NFATC2: variants seen among roughly 807,000 people sequenced by gnomAD.
NFATC2 encodes the protein nuclear factor of activated T-cells, cytoplasmic 2.
NFATC2 carries 22 observed loss-of-function variants against 87.3 expected under a neutral mutation model. That is an observed-to-expected ratio of 0.25 (90% CI 0.18 to 0.36). The LOEUF is 0.36. Among genes scored for constraint, NFATC2 ranks in the 10% least tolerant of loss-of-function variants. The pLI is 1.00. For missense variants in NFATC2, 1,149 were observed against 1,259.1 expected (o/e 0.91, Z 1.32); for synonymous variants, 565 against 542.2 (o/e 1.04, Z -0.58).
chr20:51,493,582 C>T (rs1375975262), intron 3 of NFATC2, among the ~76,000 whole-genome samples: 14 of 152,192 alleles, frequency 9.2e-5, no homozygotes, highest in Non-Finnish European at 1.8e-4. Context: ...TCTCACTCAC[C>T]GGGGCCCTGG....
In NFATC2 at chr20:51,431,406, C is replaced by T. The variant is rs1169230913; in HGVS notation, c.2722+661G>A. On this transcript the variant is annotated intron_variant, in intron 9 of 10. Coordinates refer to ENST00000371564, the MANE Select transcript of NFATC2 (RefSeq NM_012340.5). ...TCTGGGCAGACCCCTTGCCCACAAA[C>T]GGGCACCTACAGACTCACACAAAGC... 4.6e-5 allele frequency among the ~76,000 whole-genome samples: 7 copies of T among 152,160 alleles called. No homozygotes were observed. In the East Asian group the frequency reaches 5.8e-4, roughly 13 times the overall value.
At position 51,432,635 on chromosome 20, in the gene NFATC2, G is replaced by A. The variant is rs1982932263; in HGVS notation, c.2154C>T (p.Pro718=). The A allele has an allele frequency of 2.6e-6, 4 of 1,539,224 alleles. No individual in the cohort carries two copies. Among genetic ancestry groups the A allele is most frequent in the Non-Finnish European group, 3.5e-6 (4 of 1,145,974 alleles). Residue 718 remains proline, a synonymous_variant, in exon 9 of 11, where the codon CCC becomes CCT. Coordinates refer to ENST00000371564, the MANE Select transcript of NFATC2 (RefSeq NM_012340.5). This position sits in a 1 kb window ranked among gnomAD's most constrained non-coding sequence, Gnocchi z 4.6. ...GAGCCATGGTGGCCACGAGGCAGGA[G>A]GGGGACTCGGCCACCATCGGGTGCT... ...YPQHPMVAES[P]SCLVATMAPC...
At position 51,387,206 on chromosome 20, in the gene NFATC2, G is replaced by A. The variant is rs1234883958; in HGVS notation, c.*4290C>T. The A allele has an allele frequency of 1.3e-5, 2 of 152,188 alleles. No homozygotes were observed. The highest frequency in any genetic ancestry group is 4.8e-5 in the African/African-American group (2 of 41,438). 9.4% of individuals were successfully genotyped at this position (152,188 alleles called of 1,614,324 possible). ...CTCTGAGGGCTGTAGAGGCCAGAGG[G>A]GTGAGTGAGGTTCTTTGACAAGATG... On this transcript the variant is annotated 3_prime_UTR_variant, in exon 11 of 11. Transcript: ENST00000371564.
At chr20:51,468,322 A>AT (rs397780004) in intron 5 of NFATC2, among the ~76,000 whole-genome samples, 17 of 151,584 alleles carry the variant, frequency 1.1e-4, no homozygotes, top group South Asian at 2.1e-4. Context: ...CCTCCATAAA[A>AT]ATATATATAT....
chr20:51,454,940 C>A (rs1462523260), intron 5 of NFATC2, among the ~76,000 whole-genome samples: 5 of 152,180 alleles, frequency 3.3e-5, no homozygotes, highest in Non-Finnish European at 7.4e-5. Context: ...GGGACAGAGG[C>A]CTGTTCTCCT....
rs2076481730 is a variant in NFATC2 at position 51,523,307 on chromosome 20, T to A, written c.934A>T (p.Thr312Ser). The change falls in exon 2 of 11, where the codon ACG becomes TCG. Residue 312 changes from threonine to serine, a missense_variant. Physicochemically the swap from Thr to Ser is moderately conservative, Grantham distance 58 (BLOSUM62 1). Around this residue, in one of 3 missense-constraint regions of NFATC2, gnomAD observed 563 missense variants for 585.2 expected, o/e 0.96. Coordinates refer to ENST00000371564, the MANE Select transcript of NFATC2 (RefSeq NM_012340.5). The surrounding 1 kb of genome is among the most constrained non-coding windows in gnomAD (Gnocchi z 6.9). ...VIMDALNSLA[T>S]DSPCGIPPKM... ...GGGGGGATCCCACAAGGCGAGTCCG[T>A]GGCGAGGCTGTTCAGGGCATCCATG... is the stretch of plus-strand genomic sequence containing the variant. 1 of 1,613,462 alleles carries A rather than the reference T, an allele frequency of 6.2e-7. No individual in the cohort carries two copies. The highest frequency in any genetic ancestry group is 1.1e-5 in the South Asian group (1 of 91,056).
At chr20:51,522,909 G>A (rs1433818513) in intron 2 of NFATC2, among the ~76,000 whole-genome samples, 172 bp downstream of exon 2, 2 of 152,198 alleles carry the variant, frequency 1.3e-5, no homozygotes, top group African/African-American at 2.4e-5. Flanking sequence ...GAAAAACCTG[G>A]CCCGGGAATT....
intron 9 of NFATC2, among the ~76,000 whole-genome samples, chr20:51,415,157 G>C (rs999877670): frequency 6.7e-6 from 1 of 149,994 alleles, no homozygotes; most frequent in African/African-American, 2.5e-5. Context: ...GAGGTGGGAG[G>C]ATCACTTGGG....
intron 9 of NFATC2, among the ~76,000 whole-genome samples, chr20:51,421,970 A>C (rs1351056632): frequency 6.6e-6 from 1 of 152,160 alleles, no homozygotes; most frequent in African/African-American, 2.4e-5. Flanking sequence ...AACTTCCAGA[A>C]ATCTATAAGA....
intron 1 of NFATC2, among the ~76,000 whole-genome samples, chr20:51,531,293 C>T (rs2076629552): frequency 6.6e-6 from 1 of 152,250 alleles, no homozygotes; most frequent in African/African-American, 2.4e-5. Flanking sequence ...ACGCCCTCAA[C>T]CTGAACTGAT....
At chr20:51,510,970 C>T (rs1205119505) in intron 3 of NFATC2, among the ~76,000 whole-genome samples, 2 of 152,198 alleles carry the variant, frequency 1.3e-5, no homozygotes, top group Non-Finnish European at 2.9e-5. Context: ...AGCATATTTG[C>T]CATGAGCCAA....
At position 51,432,400 on chromosome 20, in the gene NFATC2, G is replaced by C. The variant is rs6021201; in HGVS notation, c.2389C>G (p.Leu797Val). Residue 797 changes from leucine (L) to valine (V), a missense_variant, in exon 9 of 11, where the codon CTG becomes GTG. Physicochemically the swap from Leu to Val is conservative, Grantham distance 32. Coordinates refer to ENST00000371564, the MANE Select transcript of NFATC2 (RefSeq NM_012340.5). The surrounding 1 kb of genome is among the most constrained non-coding windows in gnomAD (Gnocchi z 4.6). ...TGGTTGGTCGGAGAGGGGTGGAGCA[G>C]GGCTGAGCTCTGGCCCTGGGAGCCG... is the stretch of plus-strand genomic sequence containing the variant. ...HAGSQGQSSA[L>V]LHPSPTNQQA... The C allele has an allele frequency of 8.1e-6, 13 of 1,603,306 alleles. No individual in the cohort carries two copies. Among genetic ancestry groups the C allele is most frequent in the African/African-American group, 2.7e-5 (2 of 74,828 alleles).
intron 1 of NFATC2, among the ~76,000 whole-genome samples, chr20:51,529,591 G>A (rs917618397): frequency 3.9e-5 from 6 of 152,088 alleles, no homozygotes; most frequent in African/African-American, 1.4e-4. Context: ...ATGCCCGCAC[G>A]GCACTGGGTG....
chr20:51,488,489 A>G (rs928931998), intron 3 of NFATC2, among the ~76,000 whole-genome samples: 7 of 151,972 alleles, frequency 4.6e-5, no homozygotes, highest in Admixed American at 3.9e-4. Flanking sequence ...CCCTTTTCCC[A>G]ACTGTGATGC....
chr20:51,562,660 G>A, upstream of NFATC2: 1 of 1,544,200 alleles, frequency 6.5e-7, no homozygotes, highest in East Asian at 2.5e-5. This position sits in a 1 kb window ranked among gnomAD's most constrained non-coding sequence, Gnocchi z 5.8. Flanking sequence ...GCGCGTGTTT[G>A]GAAAGGGGGA....
intron 5 of NFATC2, among the ~76,000 whole-genome samples, chr20:51,467,429 C>T (rs1162672019): frequency 4.6e-5 from 7 of 151,832 alleles, no homozygotes; most frequent in East Asian, 3.9e-4. Context: ...TGGTGGTGGG[C>T]GCCTGTAATC....
upstream of NFATC2, chr20:51,542,757 G>C (rs1394357095): frequency 1.2e-5 from 4 of 329,344 alleles, no homozygotes; most frequent in South Asian, 1.0e-4. Context: ...GGCGGGGGGG[G>C]GGGGGGCGTG....
At chr20:51,470,725 C>T (rs1416255369) in intron 5 of NFATC2, among the ~76,000 whole-genome samples, 13 of 152,184 alleles carry the variant, frequency 8.5e-5, no homozygotes, top group East Asian at 7.7e-4. Context: ...GCGCGTGTTA[C>T]GGACTAATTG....
intron 3 of NFATC2, among the ~76,000 whole-genome samples, chr20:51,488,314 T>C (rs546050081): frequency 6.6e-6 from 1 of 152,316 alleles, no homozygotes; most frequent in South Asian, 2.1e-4. Context: ...TTTAAGACAT[T>C]GGAGTAAGAA....
Sources: allele counts gnomAD v4.1 joint callset (sites outside exome capture counted in the v4.1 genomes callset), GRCh38; gene constraint gnomAD v4.1.1; regional missense constraint gnomAD v4.1.1; non-coding constraint Gnocchi (gnomAD v3.1); transcripts MANE v1.5; gene names NCBI Gene and HGNC (gene_info 2026-07-23, HGNC 2026-07-21).